The following SPATS2 variants were observed in gnomAD, a reference collection of about 807,000 sequenced individuals.
SPATS2 encodes the protein spermatogenesis associated serine rich 2.
In SPATS2, 38 loss-of-function variants were observed where a neutral mutation model predicts 63.7. The ratio of observed to expected loss-of-function variants is 0.60; its 90% CI spans 0.46 to 0.78. The LOEUF (loss-of-function observed/expected upper bound fraction) is 0.78. Among genes scored for constraint, SPATS2 ranks in the 30% least tolerant of loss-of-function variants. The pLI is 0.00. For missense variants in SPATS2, 588 were observed against 666.2 expected, an observed-to-expected ratio of 0.88 and a Z score of 1.29; for synonymous variants, 207 against 232.9, an observed-to-expected ratio of 0.89 and a Z score of 1.01.
At chr12:49,423,138 TTTTG>T (rs904394519) in intron 2 of SPATS2, among the ~76,000 whole-genome samples, 5 of 151,900 alleles carry the variant, frequency 3.3e-5, no homozygotes, top group African/African-American at 1.2e-4. Context: ...TTAATACTGT[TTTTG>T]TTTTTTTTTT....
At chr12:49,525,359 G>T (rs970224395) in intron 13 of SPATS2, among the ~76,000 whole-genome samples, 1 of 152,196 alleles carries the variant, frequency 6.6e-6, no homozygotes, top group Non-Finnish European at 1.5e-5. Flanking sequence ...TCTCCTGTTT[G>T]AAGAATAAAC....
chr12:49,478,689 A>T (rs867292792), intron 3 of SPATS2, among the ~76,000 whole-genome samples: 1 of 152,196 alleles, frequency 6.6e-6, no homozygotes, highest in East Asian at 1.9e-4. Flanking sequence ...TTGTCAGGTT[A>T]TCTAGACTTC....
At chr12:49,472,916 G>A (rs1044046748) in intron 3 of SPATS2, among the ~76,000 whole-genome samples, 1 of 151,498 alleles carries the variant, frequency 6.6e-6, no homozygotes, top group South Asian at 2.1e-4. Context: ...GCGCATGCCT[G>A]TAATCCCACT....
chr12:49,499,985 T>C (rs1750538931), intron 8 of SPATS2, 85 bp from the exon 9 acceptor site: 2 of 1,058,450 alleles, frequency 1.9e-6, no homozygotes, highest in Non-Finnish European at 2.5e-6. Context: ...ACATGACATT[T>C]GGCTTTGGTG....
chr12:49,376,643 G>A (rs1301913641), intron 2 of SPATS2, among the ~76,000 whole-genome samples: 2 of 150,842 alleles, frequency 1.3e-5, no homozygotes, highest in African/African-American at 2.4e-5. Context: ...GCAGTCCATT[G>A]GCTTTGGCCT....
intron 2 of SPATS2, among the ~76,000 whole-genome samples, chr12:49,398,579 C>T (rs553419975): frequency 6.6e-6 from 1 of 152,276 alleles, no homozygotes; most frequent in African/African-American, 2.4e-5. Context: ...TAGTGCCACC[C>T]ACATAGGCAC....
chr12:49,447,463 T>C (rs1211953312), intron 2 of SPATS2, among the ~76,000 whole-genome samples: 1 of 149,888 alleles, frequency 6.7e-6, no homozygotes, highest in Admixed American at 6.6e-5. Flanking sequence ...GGTCTCAATC[T>C]CTTGACCTCG....
In SPATS2 at chr12:49,489,486, G is replaced by C; in HGVS notation, c.127G>C (p.Val43Leu). 1 of 1,613,724 alleles carries C rather than the reference G, an allele frequency of 6.2e-7. No homozygotes were observed. Among genetic ancestry groups the C allele is most frequent in the Non-Finnish European group, 8.5e-7 (1 of 1,179,796 alleles). ...CCAGATAAATGCGGTACGTGCAATA[G>C]TTCCTAATAAGAGCAACAATGAAAT... The part of the protein sequence containing the change: ...KEKINAVRAI[V>L]PNKSNNEIIL... Residue 43 changes from valine to leucine, a missense_variant, in exon 5 of 14, where the codon GTT becomes CTT. By Grantham distance (32) the Val-to-Leu change is conservative. Transcript: ENST00000552918.
intron 9 of SPATS2, among the ~76,000 whole-genome samples, chr12:49,510,173 G>A (rs1946726854): frequency 6.6e-6 from 1 of 151,376 alleles, no homozygotes; most frequent in Admixed American, 6.6e-5. Context: ...CTGAGCAGGA[G>A]GATTGCTTGA....
intron 11 of SPATS2, among the ~76,000 whole-genome samples, chr12:49,521,952 G>C (rs1462100825): frequency 6.6e-6 from 1 of 151,880 alleles, no homozygotes. Flanking sequence ...CCAGTTAAGA[G>C]GAGTGCTCTG....
At chr12:49,468,611 G>A (rs1945973706) in intron 3 of SPATS2, among the ~76,000 whole-genome samples, 1 of 151,926 alleles carries the variant, frequency 6.6e-6, no homozygotes. Context: ...CAAGTAGCTG[G>A]GACTACAGAT....
chr12:49,465,167 T>C (rs1945890370), intron 3 of SPATS2, among the ~76,000 whole-genome samples: 1 of 152,242 alleles, frequency 6.6e-6, no homozygotes, highest in Non-Finnish European at 1.5e-5. Context: ...TTGTCAATTA[T>C]GTACATTTGC....
chr12:49,427,978 G>A (rs1024248653), intron 2 of SPATS2, among the ~76,000 whole-genome samples: 20 of 151,502 alleles, frequency 1.3e-4, no homozygotes, highest in African/African-American at 4.4e-4. Flanking sequence ...ATTTCAGGCC[G>A]GGCGCGGTGG....
At chr12:49,395,583 C>T (rs906373571) in intron 2 of SPATS2, among the ~76,000 whole-genome samples, 1 of 152,030 alleles carries the variant, frequency 6.6e-6, no homozygotes, top group Non-Finnish European at 1.5e-5. Flanking sequence ...CATCACCATG[C>T]CCACTAATTT....
At chr12:49,389,281 G>A (rs899003105) in intron 2 of SPATS2, among the ~76,000 whole-genome samples, 39 of 152,178 alleles carry the variant, frequency 2.6e-4, no homozygotes, top group African/African-American at 8.7e-4. Flanking sequence ...TGGCGCCCCT[G>A]GCGGAGGCGG....
At chr12:49,425,612 G>T (rs1016093039) in intron 2 of SPATS2, among the ~76,000 whole-genome samples, 2 of 151,720 alleles carry the variant, frequency 1.3e-5, no homozygotes, top group Admixed American at 6.6e-5. Context: ...GAGCCACCAC[G>T]TCCGGCCATG....
intron 9 of SPATS2, among the ~76,000 whole-genome samples, chr12:49,510,578 AAAG>A (rs1392642281): frequency 6.6e-6 from 1 of 151,876 alleles, no homozygotes; most frequent in Non-Finnish European, 1.5e-5. Context: ...AAAAAAAAAA[AAAG>A]ATTCTAAGTT....
chr12:49,474,287 T>C (rs1400879953), intron 3 of SPATS2, among the ~76,000 whole-genome samples: 4 of 152,310 alleles, frequency 2.6e-5, no homozygotes, highest in African/African-American at 9.6e-5. Context: ...ATAATTGAAG[T>C]TGATTATTGA....
At chr12:49,495,718 A>G (rs1946454293) in intron 7 of SPATS2, among the ~76,000 whole-genome samples, 1 of 152,204 alleles carries the variant, frequency 6.6e-6, no homozygotes, top group South Asian at 2.1e-4. Context: ...TAGCAGAGAA[A>G]TACCTCAGTA....
Sources: allele counts gnomAD v4.1 joint callset (sites outside exome capture counted in the v4.1 genomes callset), GRCh38; gene constraint gnomAD v4.1.1; transcripts MANE v1.5; gene names NCBI Gene and HGNC (gene_info 2026-07-23, HGNC 2026-07-21).